SPIRE1: variants seen among roughly 807,000 people sequenced by gnomAD.
SPIRE1 encodes the protein protein spire homolog 1.
In SPIRE1, 40 loss-of-function variants were observed where a neutral mutation model predicts 94.1. The ratio of observed to expected loss-of-function variants is 0.43; its 90% CI spans 0.33 to 0.55. The LOEUF (loss-of-function observed/expected upper bound fraction) is 0.55. Ranked by LOEUF, SPIRE1 falls within the 20% of genes least tolerant of loss-of-function variation. The probability of loss-of-function intolerance (pLI) is 0.06; values close to 1 mark genes in which losing one functional copy is unlikely to be tolerated. For missense variants in SPIRE1, 838 were observed against 975.2 expected (o/e 0.86, Z 1.87); for synonymous variants, 376 against 371.7 (o/e 1.01, Z -0.13).
At chr18:12,655,395 G>A (rs2038512405) in intron 1 of SPIRE1, among the ~76,000 whole-genome samples, 1 of 152,114 alleles carries the variant, frequency 6.6e-6, no homozygotes, top group African/African-American at 2.4e-5. Context: ...CCTGAGCCAC[G>A]CAACTATTCT....
chr18:12,609,100 T>C (rs1401283125), intron 2 of SPIRE1, among the ~76,000 whole-genome samples: 1 of 152,144 alleles, frequency 6.6e-6, no homozygotes, highest in Non-Finnish European at 1.5e-5. Flanking sequence ...CGAGCTTCTA[T>C]GAGAATCTAA....
chr18:12,616,197 G>A (rs988944718), intron 2 of SPIRE1, among the ~76,000 whole-genome samples: 1 of 152,084 alleles, frequency 6.6e-6, no homozygotes, highest in African/African-American at 2.4e-5. Context: ...AAATAACAGT[G>A]GCCTCTTCCA....
chr18:12,555,087 T>C (rs1235240980), intron 2 of SPIRE1, among the ~76,000 whole-genome samples: 2 of 152,172 alleles, frequency 1.3e-5, no homozygotes, highest in African/African-American at 4.8e-5. Flanking sequence ...CCACACATGG[T>C]TACATTTCTT....
At chr18:12,471,124 G>A (rs1186827404) in intron 10 of SPIRE1, among the ~76,000 whole-genome samples, 8 of 132,908 alleles carry the variant, frequency 6.0e-5, no homozygotes, top group Non-Finnish European at 8.0e-5. Context: ...AAAAAAAAAA[G>A]TTACCAAGAT....
Position 12,448,479 on chromosome 18 carries a change from C to G in SPIRE1, c.*1159G>C, listed in dbSNP as rs2031054683. ...AACACACTGAGACATTTGAGGCATACAATGCTACCCTCCAGTCTACTTTCG... is the reference window on the plus strand; with the variant it reads ...AACACACTGAGACATTTGAGGCATAGAATGCTACCCTCCAGTCTACTTTCG... On this transcript the variant is annotated 3_prime_UTR_variant, in exon 17 of 17. Coordinates refer to ENST00000409402, the MANE Select transcript of SPIRE1 (RefSeq NM_001128626.2). The surrounding 1 kb of genome is among the most constrained non-coding windows in gnomAD (Gnocchi z 4.4). The G allele has an allele frequency of 1.3e-5, 2 of 152,308 alleles. No homozygotes were observed. The highest frequency in any genetic ancestry group is 1.3e-4 in the Admixed American group (2 of 15,264). The allele number at this position is 152,308 out of a possible 1,614,324, so 9.4% of individuals were successfully genotyped here.
At chr18:12,466,159 G>A (rs1318531295) in intron 10 of SPIRE1, among the ~76,000 whole-genome samples, 1 of 152,028 alleles carries the variant, frequency 6.6e-6, no homozygotes, top group African/African-American at 2.4e-5. Flanking sequence ...TTACCAGTGA[G>A]AAGAGATCCT....
At chr18:12,655,115 G>C (rs7233694) in intron 1 of SPIRE1, among the ~76,000 whole-genome samples, 1 of 151,514 alleles carries the variant, frequency 6.6e-6, no homozygotes, top group Non-Finnish European at 1.5e-5. Flanking sequence ...CACTTTAGCA[G>C]GCCAAGGCAG....
chr18:12,560,360 A>C (rs1275656306), intron 2 of SPIRE1, among the ~76,000 whole-genome samples: 2 of 152,242 alleles, frequency 1.3e-5, no homozygotes, highest in Non-Finnish European at 2.9e-5. Flanking sequence ...ATAAATGGAG[A>C]AAGAAAATGT....
intron 4 of SPIRE1, among the ~76,000 whole-genome samples, chr18:12,529,593 C>T (rs1036146981): frequency 6.6e-6 from 1 of 152,160 alleles, no homozygotes; most frequent in African/African-American, 2.4e-5. Flanking sequence ...ATCAGATAAT[C>T]AGAAATGACA....
intron 1 of SPIRE1, among the ~76,000 whole-genome samples, chr18:12,652,780 TGAA>T (rs1439772493): frequency 1.3e-5 from 2 of 152,224 alleles, no homozygotes; most frequent in Non-Finnish European, 2.9e-5. Context: ...TCATTCAAAC[TGAA>T]TCTAACCATT....
chr18:12,455,189 C>T (rs900780203), intron 12 of SPIRE1, among the ~76,000 whole-genome samples: 7 of 152,282 alleles, frequency 4.6e-5, no homozygotes, highest in South Asian at 2.1e-4. Flanking sequence ...CTGCCCACTT[C>T]GGCCTCCCAA....
chr18:12,484,162 T>C (rs922506495), intron 9 of SPIRE1, among the ~76,000 whole-genome samples: 2 of 152,132 alleles, frequency 1.3e-5, no homozygotes, highest in Non-Finnish European at 1.5e-5. Flanking sequence ...GATTAGCCAA[T>C]GGTCAATGTG....
chr18:12,585,517 T>C (rs2036372942), intron 2 of SPIRE1, among the ~76,000 whole-genome samples: 1 of 152,224 alleles, frequency 6.6e-6, no homozygotes, highest in Non-Finnish European at 1.5e-5. Context: ...TTTCTATCTC[T>C]ATAGCTGTTA....
At position 12,572,301 on chromosome 18, in the gene SPIRE1, GATCTC is replaced by G. The variant is rs1370623927; in HGVS notation, c.373-25402_373-25398del. Among the ~76,000 whole-genome samples the G allele has an allele frequency of 8.5e-5, 13 of 152,086 alleles. No individual in the cohort carries two copies. In the East Asian group the frequency reaches 2.5e-3, roughly 29 times the overall value. On this transcript the variant is annotated intron_variant, in intron 2 of 16. Transcript: ENST00000409402. ...ACTGATGTGTTTTGTGGACCAAGAT[GATCTC>G]ATCTCATTTTTTTTTTAATAGACAG...
In SPIRE1 at chr18:12,657,627, G is replaced by A; in HGVS notation, c.240C>T (p.His80=). 1 of 1,313,448 alleles carries A rather than the reference G, an allele frequency of 7.6e-7. No homozygotes were observed. Among genetic ancestry groups the A allele is most frequent in the South Asian group, 2.3e-5 (1 of 44,062 alleles). 81.4% of individuals were successfully genotyped at this position (1,313,448 alleles called of 1,614,324 possible). ...RAAARRRQPR[H]RVRSAAQIRV... ...GGATCTGCGCGGCCGAGCGCACACG[G>A]TGGCGGGGCTGGCGGCGGCGGGCGG... Residue 80 remains histidine (H), a synonymous_variant, in exon 1 of 17, where the codon CAC becomes CAT. Transcript: ENST00000409402.
chr18:12,486,935 C>G (rs894176451), intron 8 of SPIRE1, among the ~76,000 whole-genome samples: 1 of 152,178 alleles, frequency 6.6e-6, no homozygotes, highest in Non-Finnish European at 1.5e-5. Context: ...TCACCGCAAC[C>G]TCCGCCTCCC....
At chr18:12,484,160 A>G (rs1485712463) in intron 9 of SPIRE1, among the ~76,000 whole-genome samples, 1 of 152,180 alleles carries the variant, frequency 6.6e-6, no homozygotes, top group Non-Finnish European at 1.5e-5. Context: ...TAGATTAGCC[A>G]ATGGTCAATG....
At chr18:12,548,961 G>T (rs1453013746) in intron 2 of SPIRE1, among the ~76,000 whole-genome samples, 1 of 152,130 alleles carries the variant, frequency 6.6e-6, no homozygotes, top group Non-Finnish European at 1.5e-5. Flanking sequence ...TAAGTTCCAA[G>T]GCAATTGACT....
At chr18:12,478,494 G>A (rs2032701340) in intron 10 of SPIRE1, among the ~76,000 whole-genome samples, 1 of 149,570 alleles carries the variant, frequency 6.7e-6, no homozygotes, top group Non-Finnish European at 1.5e-5. Flanking sequence ...TAGGGGAGGT[G>A]TGTATGAAGC....
Sources: allele counts gnomAD v4.1 joint callset (sites outside exome capture counted in the v4.1 genomes callset), GRCh38; gene constraint gnomAD v4.1.1; non-coding constraint Gnocchi (gnomAD v3.1); transcripts MANE v1.5; gene names NCBI Gene and HGNC (gene_info 2026-07-23, HGNC 2026-07-21).